CMIP: variants seen among roughly 807,000 people sequenced by gnomAD.
CMIP encodes c-Maf inducing protein, also known as C-Maf-inducing protein.
Under a neutral mutation model 97.3 loss-of-function variants are expected in CMIP, and 13 were observed. The ratio of observed to expected loss-of-function variants is 0.13; its 90% CI spans 0.09 to 0.21. The LOEUF (loss-of-function observed/expected upper bound fraction) is 0.21, where lower values mean the gene tolerates loss of function less well. Ranked by LOEUF, CMIP falls within the 10% of genes least tolerant of loss-of-function variation. The pLI is 1.00. For synonymous variants in CMIP, 538 were observed against 436.3 expected (o/e 1.23, Z -2.91); for missense variants, 847 against 1,024.9 (o/e 0.83, Z 2.37).
Position 81,475,992 on chromosome 16 carries a change from A to AG in CMIP, c.300+30451_300+30452insG. On this transcript the variant is annotated intron_variant, in intron 1 of 20. Transcript: ENST00000537098. Reference sequence around the variant, plus strand: ...ACAGAGTGAGACTCCTTCTCAAAAAAAAAAAAAAAAGATAAAACATAAGTC... The same window carrying AG: ...ACAGAGTGAGACTCCTTCTCAAAAAAGAAAAAAAAAAGATAAAACATAAGTC... The AG allele has an allele frequency of 9.3e-6, 5 of 537,602 alleles. No homozygotes were observed. In the East Asian group the frequency reaches 1.6e-4, roughly 18 times the overall value. 33.3% of individuals were successfully genotyped at this position (537,602 alleles called of 1,614,324 possible).
At chr16:81,700,805 G>A (rs938546469) in intron 15 of CMIP, among the ~76,000 whole-genome samples, 1 of 152,218 alleles carries the variant, frequency 6.6e-6, no homozygotes, top group African/African-American at 2.4e-5. Context: ...AGAGGTCTGG[G>A]ATGTGGCTGG....
intron 3 of CMIP, among the ~76,000 whole-genome samples, chr16:81,647,579 G>A (rs1460953713): frequency 2.0e-5 from 3 of 152,084 alleles, no homozygotes; most frequent in Non-Finnish European, 4.4e-5. Context: ...TGGGGTCCAT[G>A]CTAGACAAAC....
chr16:81,477,569 G>A (rs965587091), intron 1 of CMIP, among the ~76,000 whole-genome samples: 1 of 152,224 alleles, frequency 6.6e-6, no homozygotes, highest in African/African-American at 2.4e-5. Context: ...CGGCTGGACT[G>A]TCGTCATCAG....
At chr16:81,682,632 G>T (rs1904986584) in intron 10 of CMIP, among the ~76,000 whole-genome samples, 1 of 152,238 alleles carries the variant, frequency 6.6e-6, no homozygotes, top group Admixed American at 6.5e-5. Flanking sequence ...TGCCAGGCGG[G>T]GCTCAGGAAG....
At chr16:81,452,621 A>G (rs1204899401) in intron 1 of CMIP, among the ~76,000 whole-genome samples, 3 of 152,078 alleles carry the variant, frequency 2.0e-5, no homozygotes, top group Non-Finnish European at 4.4e-5. Flanking sequence ...AGAGCGTTCC[A>G]GGTAGAGGGA....
chr16:81,710,029 A>G lies in CMIP; in HGVS notation c.*230A>G. On this transcript the variant is annotated 3_prime_UTR_variant, in exon 21 of 21. Transcript: ENST00000537098. ...AATTGGAACCTTTGACCTGATCTAA[A>G]GTGGACTTTGTAGCAACAAGAGGAG... The G allele has an allele frequency of 4.2e-6, 1 of 238,704 alleles. No individual in the cohort carries two copies. The highest frequency in any genetic ancestry group is 3.3e-5 in the South Asian group (1 of 30,686). The allele number at this position is 238,704 out of a possible 1,614,324, so 14.8% of individuals were successfully genotyped here.
chr16:81,549,003 G>C (rs188236831), intron 1 of CMIP, among the ~76,000 whole-genome samples: 122 of 152,360 alleles, frequency 8.0e-4, no homozygotes, highest in African/African-American at 2.8e-3. Flanking sequence ...TTGGTGCTGA[G>C]GTTTGAACCC....
intron 1 of CMIP, among the ~76,000 whole-genome samples, chr16:81,500,477 CCT>C (rs1286206643): frequency 2.8e-5 from 4 of 141,206 alleles, no homozygotes; most frequent in Non-Finnish European, 1.5e-5. Flanking sequence ...CTTTCCTCCC[CCT>C]TTTCTTTCTT....
chr16:81,496,687 G>T (rs1002161018), intron 1 of CMIP, among the ~76,000 whole-genome samples: 1 of 152,246 alleles, frequency 6.6e-6, no homozygotes, highest in Non-Finnish European at 1.5e-5. Flanking sequence ...AGAAGAGAAG[G>T]TTCATAAAGG....
At chr16:81,617,580 GT>G (rs2091936556) in intron 2 of CMIP, 1 of 152,390 alleles carries the variant, frequency 6.6e-6, no homozygotes, top group Admixed American at 6.5e-5. Context: ...TCTGTGTTGG[GT>G]TTCGCTACAG....
intron 1 of CMIP, among the ~76,000 whole-genome samples, chr16:81,550,301 A>T (rs1292161953): frequency 6.6e-6 from 1 of 152,168 alleles, no homozygotes; most frequent in Non-Finnish European, 1.5e-5. Context: ...AAGGAACAGC[A>T]CTGGTGTGGA....
intron 3 of CMIP, among the ~76,000 whole-genome samples, chr16:81,634,138 A>G (rs2092203282): frequency 1.3e-5 from 2 of 152,218 alleles, no homozygotes; most frequent in African/African-American, 4.8e-5. Flanking sequence ...GAGAGCAGCA[A>G]ACTATTTTAA....
At chr16:81,530,198 C>A (rs989289529) in intron 1 of CMIP, among the ~76,000 whole-genome samples, 1 of 152,158 alleles carries the variant, frequency 6.6e-6, no homozygotes, top group African/African-American at 2.4e-5. Flanking sequence ...GAATCTGATC[C>A]ATTCCTACCA....
intron 1 of CMIP, among the ~76,000 whole-genome samples, chr16:81,475,143 C>G (rs1388642250): frequency 6.6e-6 from 1 of 152,128 alleles, no homozygotes; most frequent in Non-Finnish European, 1.5e-5. Flanking sequence ...CCCTTTCCTC[C>G]CTTCTCTCCC....
chr16:81,510,484 C>A (rs894750073), intron 1 of CMIP, among the ~76,000 whole-genome samples: 1 of 151,952 alleles, frequency 6.6e-6, no homozygotes, highest in Non-Finnish European at 1.5e-5. Flanking sequence ...TGTTAGTAGC[C>A]CTGTTTAGGA....
intron 1 of CMIP, among the ~76,000 whole-genome samples, chr16:81,530,695 G>A (rs1236260950): frequency 6.6e-6 from 1 of 152,138 alleles, no homozygotes; most frequent in Non-Finnish European, 1.5e-5. Context: ...CTACCTCCGA[G>A]GCTTCTGTGT....
At chr16:81,530,499 G>A (rs1201182543) in intron 1 of CMIP, among the ~76,000 whole-genome samples, 2 of 151,996 alleles carry the variant, frequency 1.3e-5, no homozygotes, top group Non-Finnish European at 2.9e-5. Context: ...GGTGTAGCCC[G>A]TCTGAGTCAG....
At chr16:81,478,475 A>AC (rs1338976401) in intron 1 of CMIP, among the ~76,000 whole-genome samples, 2 of 152,168 alleles carry the variant, frequency 1.3e-5, no homozygotes, top group Non-Finnish European at 2.9e-5. Context: ...GGTCAGATGG[A>AC]CATGTGTCAG....
At chr16:81,691,918 G>C (rs954791675) in intron 11 of CMIP, 78 bp downstream of exon 11, 15 of 1,260,152 alleles carry the variant, frequency 1.2e-5, no homozygotes, top group Non-Finnish European at 1.7e-5. Context: ...TTAGTGGGGG[G>C]CCAGTCATGT....
Sources: allele counts gnomAD v4.1 joint callset (sites outside exome capture counted in the v4.1 genomes callset), GRCh38; gene constraint gnomAD v4.1.1; transcripts MANE v1.5; gene names NCBI Gene and HGNC (gene_info 2026-07-23, HGNC 2026-07-21).